The following PTPRD variants were observed in gnomAD, a reference collection of about 807,000 sequenced individuals.
PTPRD encodes protein tyrosine phosphatase receptor type D, also known as receptor-type tyrosine-protein phosphatase delta.
PTPRD carries 34 observed loss-of-function variants against 214.5 expected under a neutral mutation model. That is an observed-to-expected ratio of 0.16 (90% confidence interval 0.12 to 0.21). The LOEUF (loss-of-function observed/expected upper bound fraction) is 0.21. Among genes scored for constraint, PTPRD ranks in the 10% least tolerant of loss-of-function variants. The probability of loss-of-function intolerance (pLI) is 1.00; values close to 1 mark genes in which losing one functional copy is unlikely to be tolerated. For synonymous variants in PTPRD, 1,128 were observed against 845.7 expected (o/e 1.33, Z -5.79); for missense variants, 2,545 against 2,398.7 (o/e 1.06, Z -1.27).
At position 8,828,529 on chromosome 9, in the gene PTPRD, C is replaced by T. The variant is rs1421970884; in HGVS notation, c.-103-94583G>A. Among the ~76,000 whole-genome samples, 3 of 152,214 alleles carry T rather than the reference C, an allele frequency of 2.0e-5. No individual in the cohort carries two copies. In the East Asian group the frequency reaches 5.8e-4, roughly 29 times the overall value. ...GAAATAATGTTTGTTGTTTAAGCCA[C>T]CCTATCTAGGATATTTTGTTGCAGT... On this transcript the variant is annotated intron_variant, in intron 11 of 45. Transcript: ENST00000381196.
chr9:8,550,820 T>A (rs958607946), intron 14 of PTPRD, among the ~76,000 whole-genome samples: 1 of 152,230 alleles, frequency 6.6e-6, no homozygotes, highest in Non-Finnish European at 1.5e-5. Context: ...GTGTTCAATC[T>A]TTCTTTTGTA....
At chr9:10,371,306 C>T (rs567235678) in intron 2 of PTPRD, among the ~76,000 whole-genome samples, 6 of 151,906 alleles carry the variant, frequency 3.9e-5, no homozygotes, top group Non-Finnish European at 7.4e-5. Flanking sequence ...CAGTTGCTAC[C>T]GAGGGTTTAT....
chr9:9,299,139 C>T (rs112973510), intron 9 of PTPRD, among the ~76,000 whole-genome samples: 23 of 151,606 alleles, frequency 1.5e-4, no homozygotes, highest in East Asian at 3.9e-4. Context: ...GGGAGGTGAA[C>T]GGTAAATCCA....
intron 3 of PTPRD, among the ~76,000 whole-genome samples, chr9:10,337,568 T>C (rs1337340674): frequency 3.3e-5 from 5 of 151,756 alleles, no homozygotes; most frequent in East Asian, 1.9e-4. Flanking sequence ...TATTCACTCA[T>C]GCATTTTTTT....
chr9:8,331,926 TAAATCCTAAATTTATTTACTCTTG>T (rs35301976), intron 43 of PTPRD, among the ~76,000 whole-genome samples, 190 bp from the exon 44 acceptor site: 84,764 of 150,816 alleles, frequency 0.56, 27,753 homozygotes, highest in African/African-American at 0.89. Flanking sequence ...CACATACCTT[TAAATCCTAAATTTATTTACTCTTG>T]AAATCCTAAA....
intron 14 of PTPRD, among the ~76,000 whole-genome samples, chr9:8,632,158 T>G (rs953419049): frequency 6.6e-6 from 1 of 151,636 alleles, no homozygotes; most frequent in South Asian, 2.1e-4. Context: ...TCTGTGTGTG[T>G]GTGTGTTTAG....
chr9:9,103,041 G>T (rs1261446842), intron 10 of PTPRD, among the ~76,000 whole-genome samples: 1 of 152,152 alleles, frequency 6.6e-6, no homozygotes, highest in Non-Finnish European at 1.5e-5. Flanking sequence ...GAAGCATGTA[G>T]TAATCAAACA....
At chr9:8,953,592 A>G (rs1352833624) in intron 11 of PTPRD, among the ~76,000 whole-genome samples, 2 of 151,976 alleles carry the variant, frequency 1.3e-5, no homozygotes, top group Admixed American at 6.6e-5. Flanking sequence ...TTCACAAACT[A>G]TGCATCTCTT....
At chr9:10,485,700 T>C (rs147430301) in intron 2 of PTPRD, among the ~76,000 whole-genome samples, 2 of 152,290 alleles carry the variant, frequency 1.3e-5, no homozygotes, top group East Asian at 1.9e-4. Context: ...TTTTTGTGTG[T>C]TGATATTATA....
intron 9 of PTPRD, among the ~76,000 whole-genome samples, chr9:9,213,154 C>T (rs2099949904): frequency 6.6e-6 from 1 of 152,092 alleles, no homozygotes; most frequent in African/African-American, 2.4e-5. Context: ...TCTTATATAC[C>T]ACTATATTCA....
intron 2 of PTPRD, among the ~76,000 whole-genome samples, chr9:10,446,979 G>A (rs925285472): frequency 1.3e-5 from 2 of 152,104 alleles, no homozygotes; most frequent in Non-Finnish European, 2.9e-5. Flanking sequence ...TTAGTGAGAC[G>A]ATCAGCCCAA....
intron 9 of PTPRD, among the ~76,000 whole-genome samples, chr9:9,206,116 C>T (rs1043187730): frequency 1.3e-5 from 2 of 152,154 alleles, no homozygotes; most frequent in Non-Finnish European, 1.5e-5. Flanking sequence ...TAGAGGTTGG[C>T]AAATTAGAAG....
intron 2 of PTPRD, among the ~76,000 whole-genome samples, chr9:10,525,836 T>G (rs1188374512): frequency 6.6e-6 from 1 of 151,946 alleles, no homozygotes; most frequent in Non-Finnish European, 1.5e-5. Context: ...CCACTTTGTT[T>G]TTACATTTGT....
chr9:10,547,490 CAT>C (rs1314760930), intron 2 of PTPRD, among the ~76,000 whole-genome samples: 1 of 151,932 alleles, frequency 6.6e-6, no homozygotes, highest in Non-Finnish European at 1.5e-5. Context: ...GTCTAATAAA[CAT>C]GTGTTTAGAG....
rs368823329 is a variant in PTPRD at position 8,889,523 on chromosome 9, T to A, written c.-104+129174A>T. ...GGTGGTTTTTGGCTACATGGATAAG[T>A]TCGTTAGTGATGATTTTGGAGACTT... On this transcript the variant is annotated intron_variant, in intron 11 of 45. Transcript: ENST00000381196. 2.0e-5 allele frequency among the ~76,000 whole-genome samples: 3 copies of A among 152,064 alleles called. No homozygotes were observed. The East Asian group carries it at 5.8e-4, about 29-fold the overall frequency.
rs1442831683 is a variant in PTPRD at position 8,699,930 on chromosome 9, C to T, written c.64+33850G>A. On this transcript the variant is annotated intron_variant, in intron 12 of 45. Transcript: ENST00000381196. Reference sequence around the variant, plus strand: ...TTTTGTAGGCCCTGATTGATTTAACCATTTTTTTCTCTGTGTATTTTCAAA... The same window carrying T: ...TTTTGTAGGCCCTGATTGATTTAACTATTTTTTTCTCTGTGTATTTTCAAA... Among the ~76,000 whole-genome samples the T allele has an allele frequency of 2.0e-5, 3 of 152,152 alleles. No individual in the cohort carries two copies. The South Asian group carries it at 6.2e-4, about 32-fold the overall frequency.
chr9:10,039,464 T>C (rs2097255962), intron 3 of PTPRD, among the ~76,000 whole-genome samples: 1 of 152,108 alleles, frequency 6.6e-6, no homozygotes, highest in South Asian at 2.1e-4. Flanking sequence ...TTTACATATA[T>C]ACAATAGAAG....
intron 10 of PTPRD, among the ~76,000 whole-genome samples, chr9:9,049,978 G>A (rs1019129726): frequency 6.6e-6 from 1 of 152,162 alleles, no homozygotes; most frequent in Non-Finnish European, 1.5e-5. Context: ...GCAAGGTGTG[G>A]TGTGAGTCTT....
At chr9:8,994,371 G>A (rs1166453193) in intron 11 of PTPRD, among the ~76,000 whole-genome samples, 1 of 152,086 alleles carries the variant, frequency 6.6e-6, no homozygotes, top group Non-Finnish European at 1.5e-5. Flanking sequence ...CTTCAACAAT[G>A]CCTAGCACAA....
Sources: allele counts gnomAD v4.1 joint callset (sites outside exome capture counted in the v4.1 genomes callset), GRCh38; gene constraint gnomAD v4.1.1; transcripts MANE v1.5; gene names NCBI Gene and HGNC (gene_info 2026-07-23, HGNC 2026-07-21).